CYP27C1: variants seen among roughly 807,000 people sequenced by gnomAD.
CYP27C1 encodes the protein cytochrome P450 family 27 subfamily C member 1.
A neutral mutation model predicts 40.6 loss-of-function variants in CYP27C1; 29 were observed. The ratio of observed to expected loss-of-function variants is 0.71; its 90% confidence interval spans 0.53 to 0.97. CYP27C1 has a LOEUF of 0.97. Ranked by LOEUF, CYP27C1 falls within the 50% of genes least tolerant of loss-of-function variation. The pLI is 0.00. For missense variants in CYP27C1, 390 were observed against 485.8 expected (o/e 0.80, Z 1.85); for synonymous variants, 198 against 186.8 (o/e 1.06, Z -0.49).
chr2:127,194,872 G>A (rs1489489309), intron 6 of CYP27C1, among the ~76,000 whole-genome samples: 6 of 143,444 alleles, frequency 4.2e-5, no homozygotes, highest in African/African-American at 1.6e-4. Context: ...ACAGAGCCTC[G>A]CTCTGTTGCC....
Position 127,193,883 on chromosome 2 carries a change from C to T in CYP27C1, c.1215-16G>A, listed in dbSNP as rs12476709. The stretch of plus-strand genomic sequence containing the variant: ...TGGAAACAGCCTGGAAAAGAGCCAG[C>T]GGGGACGGGAATGGCGTGGTGACTT... On this transcript the variant is annotated splice_polypyrimidine_tract_variant and intron_variant, in intron 6 of 8. Coordinates refer to ENST00000664447, the MANE Select transcript of CYP27C1 (RefSeq NM_001367502.1). 658,939 of 1,613,056 alleles carry T rather than the reference C, an allele frequency of 0.41. 138,952 individuals carry two copies. The highest frequency in any genetic ancestry group is 0.6 in the Admixed American group (36,183 of 59,916).
chr2:127,213,246 A>G (rs570737692), intron 1 of CYP27C1, among the ~76,000 whole-genome samples: 1 of 152,242 alleles, frequency 6.6e-6, no homozygotes, highest in South Asian at 2.1e-4. Flanking sequence ...TACTGCCCAA[A>G]GTAATTTATA....
intron 8 of CYP27C1, among the ~76,000 whole-genome samples, chr2:127,190,474 C>G (rs1472242303): frequency 6.7e-6 from 1 of 149,912 alleles, no homozygotes; most frequent in Non-Finnish European, 1.5e-5. Flanking sequence ...TCCCAAGTAG[C>G]TGTGATTATA....
rs1419071652 is a variant in CYP27C1 at position 127,184,878 on chromosome 2, T to C, written c.*2393A>G. The C allele has an allele frequency of 6.6e-6, 1 of 152,226 alleles. No homozygotes were observed. The highest frequency in any genetic ancestry group is 1.5e-5 in the Non-Finnish European group (1 of 68,164). The allele number at this position is 152,226 out of a possible 1,614,324, so 9.4% of individuals were successfully genotyped here. ...CTCTGTCACCCAGGCTGGAGTGTAA[T>C]GGCGGATCACAGCTCACTGCAGCCT... On this transcript the variant is annotated 3_prime_UTR_variant, in exon 9 of 9. Coordinates refer to ENST00000664447, the MANE Select transcript of CYP27C1 (RefSeq NM_001367502.1).
intron 7 of CYP27C1, 78 bp from the exon 8 acceptor site, chr2:127,193,375 C>A: frequency 6.4e-7 from 1 of 1,570,480 alleles, no homozygotes; most frequent in Non-Finnish European, 8.7e-7. Flanking sequence ...GAGCCCTAGC[C>A]GGACAGTCTC....
intron 8 of CYP27C1, among the ~76,000 whole-genome samples, chr2:127,191,045 G>A (rs11886766): frequency 0.15 from 22,825 of 149,526 alleles, 1,962 homozygotes; most frequent in African/African-American, 0.24. Context: ...CAATAGTTCG[G>A]GACCAGCCTG....
In CYP27C1 at chr2:127,201,346, G is replaced by T. The variant is rs764239565; in HGVS notation, c.674-15C>A. ...GGTGGCCACTCCTAGACAGGAAAGA[G>T]AATTTGAAAACCCTCTTCTAGATTA... On this transcript the variant is annotated splice_polypyrimidine_tract_variant and intron_variant, in intron 3 of 8. Transcript: ENST00000664447. This position sits in a 1 kb window ranked among gnomAD's most constrained non-coding sequence, Gnocchi z 6.0. 1 of 1,606,650 alleles carries T rather than the reference G, an allele frequency of 6.2e-7. No homozygotes were observed. The highest frequency in any genetic ancestry group is 1.1e-5 in the South Asian group (1 of 90,424).
rs1682907429 is a variant in CYP27C1 at position 127,196,489 on chromosome 2, A to G, written c.1048-988T>C. Among the ~76,000 whole-genome samples, 1 of 151,924 alleles carries G rather than the reference A, an allele frequency of 6.6e-6. No individual in the cohort carries two copies. The highest frequency in any genetic ancestry group is 2.4e-5 in the African/African-American group (1 of 41,314). ...TCTATGGGACTACATTTCACTCTCT[A>G]GTAAACAAGGAAATGCCACAGTATA... On this transcript the variant is annotated intron_variant, in intron 5 of 8. Coordinates refer to ENST00000664447, the MANE Select transcript of CYP27C1 (RefSeq NM_001367502.1). The surrounding 1 kb of genome is among the most constrained non-coding windows in gnomAD (Gnocchi z 4.5).
chr2:127,205,095 C>A (rs1027768663), intron 2 of CYP27C1, among the ~76,000 whole-genome samples: 29 of 152,226 alleles, frequency 1.9e-4, no homozygotes, highest in African/African-American at 6.8e-4. Flanking sequence ...CCCACACAGG[C>A]TCCTGAGCCT....
rs1256363447 is a variant in CYP27C1 at position 127,220,104 on chromosome 2, C to A, written c.167G>T (p.Gly56Val). 2 of 151,048 alleles carry A rather than the reference C, an allele frequency of 1.3e-5. No homozygotes were observed. Among genetic ancestry groups the A allele is most frequent in the Admixed American group, 1.3e-4 (2 of 15,162 alleles). The allele number at this position is 151,048 out of a possible 1,614,324, so 9.4% of individuals were successfully genotyped here. The change falls in exon 1 of 9, where the codon GGA becomes GTA. Residue 56 changes from glycine (G) to valine (V), a missense_variant. Physicochemically the swap from Gly to Val is moderately radical, Grantham distance 109 (BLOSUM62 -3). Coordinates refer to ENST00000664447, the MANE Select transcript of CYP27C1 (RefSeq NM_001367502.1). The surrounding 1 kb of genome is among the most constrained non-coding windows in gnomAD (Gnocchi z 4.6). ...CCGGGGACCCTCGGCTCGGCCCCCTCCCGGCGGCGACCCCGGCCGCCCGGC... is the reference window on the plus strand; with the variant it reads ...CCGGGGACCCTCGGCTCGGCCCCCTACCGGCGGCGACCCCGGCCGCCCGGC... ...KGAGRPGSPPGGGRAEGPRSL... is the reference protein window; with the variant it reads ...KGAGRPGSPPVGGRAEGPRSL...
At position 127,184,302 on chromosome 2, in the gene CYP27C1, G is replaced by T. The variant is rs1316056282; in HGVS notation, c.*2969C>A. The T allele has an allele frequency of 6.6e-6, 1 of 151,330 alleles. No homozygotes were observed. Among genetic ancestry groups the T allele is most frequent in the African/African-American group, 2.4e-5 (1 of 41,190 alleles). 9.4% of individuals were successfully genotyped at this position (151,330 alleles called of 1,614,324 possible). On this transcript the variant is annotated 3_prime_UTR_variant, in exon 9 of 9. Transcript: ENST00000664447. The stretch of plus-strand genomic sequence containing the variant: ...TCTCTTAAATGTCTTTTTACAAGTG[G>T]TTTATTTGAATCTGATTCAAACGAA...
chr2:127,198,186 TACACACACACACACAC>T, intron 5 of CYP27C1, among the ~76,000 whole-genome samples: 1 of 148,174 alleles, frequency 6.7e-6, no homozygotes, highest in Non-Finnish European at 1.5e-5. Context: ...AATTTGTTGA[TACACACACACACACAC>T]ACACACACAC....
chr2:127,210,964 GA>G (rs1220420719), intron 1 of CYP27C1, among the ~76,000 whole-genome samples: 1 of 152,184 alleles, frequency 6.6e-6, no homozygotes, highest in African/African-American at 2.4e-5. Context: ...CAGCGAGACA[GA>G]AAATTAACAA....
At chr2:127,203,612 T>C in intron 2 of CYP27C1, 41 bp from the exon 3 acceptor site, 1 of 1,566,808 alleles carries the variant, frequency 6.4e-7, no homozygotes, top group Non-Finnish European at 8.6e-7. Flanking sequence ...TTACTTACAC[T>C]GACATTCTGG....
At chr2:127,215,260 T>C (rs1312462855) in intron 1 of CYP27C1, among the ~76,000 whole-genome samples, 2 of 152,166 alleles carry the variant, frequency 1.3e-5, no homozygotes, top group African/African-American at 4.8e-5. Flanking sequence ...TTCCAAGATC[T>C]TTCAATAGGA....
chr2:127,212,495 T>G (rs369933449), intron 1 of CYP27C1, among the ~76,000 whole-genome samples: 150 of 152,372 alleles, frequency 9.8e-4, no homozygotes, highest in African/African-American at 3.5e-3. Context: ...ATCCCTGGGA[T>G]GCAAGGCTGT....
Position 127,184,243 on chromosome 2 carries a change from A to G in CYP27C1, c.*3028T>C, listed in dbSNP as rs1682566595. On this transcript the variant is annotated 3_prime_UTR_variant, in exon 9 of 9. Coordinates refer to ENST00000664447, the MANE Select transcript of CYP27C1 (RefSeq NM_001367502.1). ...TTTTTTTCATGCATTGGAAGAATTA[A>G]TATTTTTGGCTTTTATTTTATTTTT... The G allele has an allele frequency of 6.6e-6, 1 of 152,184 alleles. No homozygotes were observed. Among genetic ancestry groups the G allele is most frequent in the African/African-American group, 2.4e-5 (1 of 41,428 alleles). 9.4% of individuals were successfully genotyped at this position (152,184 alleles called of 1,614,324 possible).
chr2:127,191,275 C>A (rs1682763698), intron 8 of CYP27C1, among the ~76,000 whole-genome samples: 1 of 152,132 alleles, frequency 6.6e-6, no homozygotes, highest in African/African-American at 2.4e-5. Flanking sequence ...CCGTGATGCT[C>A]CCTTTCTACA....
At chr2:127,202,051 A>G (rs1029387518) in intron 3 of CYP27C1, among the ~76,000 whole-genome samples, 1 of 152,204 alleles carries the variant, frequency 6.6e-6, no homozygotes, top group African/African-American at 2.4e-5. Context: ...AAAAGATGAG[A>G]AAGCTGATAG....
Sources: gnomAD v4.1 joint callset for allele counts (sites outside exome capture counted in the v4.1 genomes callset) on GRCh38, gnomAD v4.1.1 for gene constraint, Gnocchi (gnomAD v3.1) non-coding constraint, MANE v1.5 for transcripts, NCBI Gene and HGNC (gene_info 2026-07-23, HGNC 2026-07-21) for gene names.